Variants in PRKG1 observed in about 807,000 individuals in gnomAD.
PRKG1 encodes the protein protein kinase cGMP-dependent 1.
Under a neutral mutation model 88.1 loss-of-function variants are expected in PRKG1, and 35 were observed. The ratio of observed to expected loss-of-function variants is 0.40; its 90% confidence interval spans 0.30 to 0.53. The LOEUF is 0.53. PRKG1 is among the 20% of genes least tolerant of loss of function. PRKG1 has a pLI of 0.59. For missense variants in PRKG1, 540 were observed against 839.8 expected, an observed-to-expected ratio of 0.64 and a Z score of 4.41; for synonymous variants, 303 against 292.5, an observed-to-expected ratio of 1.04 and a Z score of -0.37.
intron 2 of PRKG1, among the ~76,000 whole-genome samples, chr10:51,384,103 A>T (rs1363578103): frequency 6.6e-6 from 1 of 152,150 alleles, no homozygotes; most frequent in Non-Finnish European, 1.5e-5. Context: ...TTGAAAAAAA[A>T]AATTCTTTTT....
chr10:51,021,182 G>T (rs1843132234), intron 1 of PRKG1, among the ~76,000 whole-genome samples: 1 of 152,144 alleles, frequency 6.6e-6, no homozygotes, highest in African/African-American at 2.4e-5. Flanking sequence ...TAGTTTGCAG[G>T]TTCCTGGAAA....
At chr10:51,279,670 G>A (rs986244066) in intron 2 of PRKG1, among the ~76,000 whole-genome samples, 1 of 152,142 alleles carries the variant, frequency 6.6e-6, no homozygotes, top group African/African-American at 2.4e-5. Flanking sequence ...TTGGTTTACA[G>A]TCTGTTTTAT....
intron 3 of PRKG1, among the ~76,000 whole-genome samples, chr10:51,729,482 G>A (rs1236119753): frequency 6.6e-6 from 1 of 151,924 alleles, no homozygotes; most frequent in Admixed American, 6.6e-5. Context: ...CACTTTGGGA[G>A]GCCAAGGCGG....
chr10:51,877,675 A>G (rs1841332906), intron 4 of PRKG1, among the ~76,000 whole-genome samples: 1 of 152,228 alleles, frequency 6.6e-6, no homozygotes, highest in Non-Finnish European at 1.5e-5. Flanking sequence ...ACAGAAATGT[A>G]AAGAAGATTG....
chr10:52,127,616 A>G (rs1847959768), intron 7 of PRKG1, among the ~76,000 whole-genome samples: 1 of 152,168 alleles, frequency 6.6e-6, no homozygotes, highest in Non-Finnish European at 1.5e-5. Context: ...GGGGACTACT[A>G]GAGACAAAGT....
intron 1 of PRKG1, among the ~76,000 whole-genome samples, chr10:51,125,712 A>G (rs977388571): frequency 1.4e-5 from 2 of 147,040 alleles, no homozygotes; most frequent in African/African-American, 4.9e-5. Context: ...TTTTTAAATT[A>G]TATAATTTAA....
At chr10:51,161,755 T>C (rs1443771565) in intron 2 of PRKG1, among the ~76,000 whole-genome samples, 5 of 152,238 alleles carry the variant, frequency 3.3e-5, no homozygotes, top group Non-Finnish European at 7.3e-5. Flanking sequence ...AAGATATCAA[T>C]CTCTCCATTC....
chr10:51,194,771 G>T (rs558262228), intron 2 of PRKG1, among the ~76,000 whole-genome samples: 1 of 152,024 alleles, frequency 6.6e-6, no homozygotes, highest in South Asian at 2.1e-4. Context: ...GTCAAAGATC[G>T]AGGGCCCAGC....
At chr10:51,745,320 TC>T in intron 3 of PRKG1, among the ~76,000 whole-genome samples, 1 of 152,302 alleles carries the variant, frequency 6.6e-6, no homozygotes, top group East Asian at 1.9e-4. Context: ...CTTATTTTTT[TC>T]TGAAGACTTC....
At chr10:51,858,250 ATAT>A (rs1211774536) in intron 4 of PRKG1, among the ~76,000 whole-genome samples, 2 of 17,378 alleles carry the variant, frequency 1.2e-4, no homozygotes, top group Non-Finnish European at 2.1e-4. Context: ...TATATAATAC[ATAT>A]TATACATATA....
At chr10:51,053,387 G>A (rs1485010973) in intron 1 of PRKG1, among the ~76,000 whole-genome samples, 4 of 152,112 alleles carry the variant, frequency 2.6e-5, no homozygotes, top group African/African-American at 4.8e-5. Flanking sequence ...ACAAGACAGA[G>A]TTTTTAAAAT....
At chr10:51,138,670 G>GTTGTTT (rs1845745544) in intron 1 of PRKG1, among the ~76,000 whole-genome samples, 1 of 67,046 alleles carries the variant, frequency 1.5e-5, no homozygotes, top group Non-Finnish European at 3.2e-5. Context: ...TGGACATTGA[G>GTTGTTT]TTTTGTTTTT....
chr10:51,554,457 T>C (rs1167671306), intron 3 of PRKG1, among the ~76,000 whole-genome samples: 1 of 148,808 alleles, frequency 6.7e-6, no homozygotes, highest in Non-Finnish European at 1.5e-5. Flanking sequence ...TATATATCAC[T>C]AAGAGGTGTT....
chr10:51,173,530 T>A (rs2132012648), intron 2 of PRKG1, among the ~76,000 whole-genome samples: 1 of 151,996 alleles, frequency 6.6e-6, no homozygotes, highest in South Asian at 2.1e-4. Context: ...GAAGTATATG[T>A]CATTATGCTC....
At chr10:51,804,544 A>T (rs1564653617) in intron 3 of PRKG1, 41 bp from the exon 4 acceptor site, 11 of 1,374,776 alleles carry the variant, frequency 8.0e-6, no homozygotes, top group Non-Finnish European at 1.0e-5. Flanking sequence ...AAATTCTCTG[A>T]TTAATTTTTC....
At chr10:51,686,134 G>A (rs1354898405) in intron 3 of PRKG1, among the ~76,000 whole-genome samples, 5 of 152,104 alleles carry the variant, frequency 3.3e-5, no homozygotes, top group Non-Finnish European at 7.4e-5. Context: ...GTAGTTTTGG[G>A]CCATTTTATT....
intron 5 of PRKG1, among the ~76,000 whole-genome samples, chr10:51,973,670 A>G (rs909015066): frequency 6.6e-6 from 1 of 152,152 alleles, no homozygotes; most frequent in African/African-American, 2.4e-5. Flanking sequence ...TATTTTTCTT[A>G]TACATCTGTT....
chr10:50,991,726 C>G lies in PRKG1; in HGVS notation c.266+82C>G. 9.4e-7 allele frequency: 1 copy of G among 1,069,452 alleles called. No homozygotes were observed. The highest frequency in any genetic ancestry group is 4.3e-5 in the South Asian group (1 of 23,212). 66.2% of individuals were successfully genotyped at this position (1,069,452 alleles called of 1,614,324 possible). A position where few individuals can be genotyped will look rare whatever the true frequency, so the allele number is the denominator to read the frequency against. ...GGGGCTCTGGCCGCGGCGGCGGGGGCGGGTCGGCCCAGGGCGCCCCCTGCT... is the reference window on the plus strand; with the variant it reads ...GGGGCTCTGGCCGCGGCGGCGGGGGGGGGTCGGCCCAGGGCGCCCCCTGCT... On this transcript the variant is annotated intron_variant, in intron 1 of 17. Transcript: ENST00000401604. The surrounding 1 kb of genome is among the most constrained non-coding windows in gnomAD (Gnocchi z 4.5).
intron 2 of PRKG1, among the ~76,000 whole-genome samples, chr10:51,372,464 T>C (rs534487764): frequency 6.6e-6 from 1 of 152,298 alleles, no homozygotes; most frequent in African/African-American, 2.4e-5. Context: ...CCAGCAAATT[T>C]TGAGAATTTT....
Sources: gnomAD v4.1 joint callset for allele counts (sites outside exome capture counted in the v4.1 genomes callset) on GRCh38, gnomAD v4.1.1 for gene constraint, Gnocchi (gnomAD v3.1) non-coding constraint, MANE v1.5 for transcripts, NCBI Gene and HGNC (gene_info 2026-07-23, HGNC 2026-07-21) for gene names.